Variants in RIN2 observed in about 807,000 individuals in gnomAD.
RIN2 encodes Ras and Rab interactor 2.
Under a neutral mutation model 78.0 loss-of-function variants are expected in RIN2, and 36 were observed. That is an observed-to-expected ratio of 0.46 (90% CI 0.35 to 0.61). RIN2 has a LOEUF of 0.61. Among genes scored for constraint, RIN2 ranks in the 20% least tolerant of loss-of-function variants. The pLI is 0.00. For missense variants in RIN2, 1,087 were observed against 1,159.7 expected, an observed-to-expected ratio of 0.94 and a Z score of 0.91; for synonymous variants, 466 against 466.8, an observed-to-expected ratio of 1.00 and a Z score of 0.02.
At chr20:19,770,746 C>T (rs1161714668) in intron 1 of RIN2, among the ~76,000 whole-genome samples, 3 of 152,090 alleles carry the variant, frequency 2.0e-5, no homozygotes, top group Non-Finnish European at 4.4e-5. Context: ...CAACAATCAC[C>T]AACACAGAAG....
At chr20:19,889,444 T>C in intron 2 of RIN2, 122 bp from the exon 3 acceptor site, 2 of 1,139,548 alleles carry the variant, frequency 1.8e-6, no homozygotes, top group Non-Finnish European at 2.4e-6. Context: ...TGGTGGGAAA[T>C]AAATGGCACT....
Position 19,935,116 on chromosome 20 carries a change from C to T in RIN2, c.75C>T (p.Ala25=). The change falls in exon 4 of 13, where the codon GCC becomes GCT. Residue 25 remains alanine, a synonymous_variant. Transcript: ENST00000255006. ...GSFFKLIDTI[A]SEIGELKQEM... is the part of the protein sequence containing the mutation. Reference sequence around the variant, plus strand: ...TTGAATAGCTCATTGACACAATTGCCTCGGAGATCGGAGAACTGAAACAGG... The same window carrying T: ...TTGAATAGCTCATTGACACAATTGCTTCGGAGATCGGAGAACTGAAACAGG... The T allele has an allele frequency of 6.3e-7, 1 of 1,599,942 alleles. No individual in the cohort carries two copies. The highest frequency in any genetic ancestry group is 8.5e-7 in the Non-Finnish European group (1 of 1,173,310).
chr20:19,989,053 A>T (rs1370747120), intron 9 of RIN2, among the ~76,000 whole-genome samples: 1 of 152,138 alleles, frequency 6.6e-6, no homozygotes. Context: ...ACTTCAATGC[A>T]TATTTCCTAA....
intron 2 of RIN2, among the ~76,000 whole-genome samples, chr20:19,844,692 CTCT>C (rs746851963): frequency 8.5e-6 from 1 of 117,626 alleles, no homozygotes; most frequent in Non-Finnish European, 1.8e-5. Flanking sequence ...CTTCCTCTTC[CTCT>C]TCCTCTTCTT....
chr20:19,771,063 T>G (rs187097201), intron 1 of RIN2, among the ~76,000 whole-genome samples: 1 of 152,204 alleles, frequency 6.6e-6, no homozygotes, highest in Non-Finnish European at 1.5e-5. Context: ...AGGATACAGA[T>G]GAAGAGAAGC....
At chr20:19,976,336 G>C (rs565842363) in intron 9 of RIN2, among the ~76,000 whole-genome samples, 7 of 152,268 alleles carry the variant, frequency 4.6e-5, no homozygotes, top group African/African-American at 1.7e-4. Context: ...GGGACCCCGG[G>C]CCCCCTGTTC....
chr20:19,811,255 C>G (rs1393150836), intron 2 of RIN2, among the ~76,000 whole-genome samples: 2 of 151,928 alleles, frequency 1.3e-5, no homozygotes, highest in African/African-American at 4.8e-5. Context: ...TCAGATGCCA[C>G]CATTGGCAAC....
At chr20:19,947,031 A>AG (rs1435069108) in intron 4 of RIN2, among the ~76,000 whole-genome samples, 1 of 152,048 alleles carries the variant, frequency 6.6e-6, no homozygotes, top group Non-Finnish European at 1.5e-5. Context: ...TTAAAAAAAA[A>AG]AAAAAAAAGC....
intron 2 of RIN2, among the ~76,000 whole-genome samples, chr20:19,855,558 C>T (rs2037137320): frequency 6.6e-6 from 1 of 152,160 alleles, no homozygotes. Flanking sequence ...TGGCAACTTA[C>T]AACCCCTTCT....
chr20:19,838,893 T>C (rs779306329), intron 2 of RIN2, among the ~76,000 whole-genome samples: 6 of 151,998 alleles, frequency 3.9e-5, no homozygotes, highest in Admixed American at 1.3e-4. Context: ...CCGAGCCTCC[T>C]CTCCAGCCCC....
chr20:19,772,323 C>T (rs929623850), intron 1 of RIN2, among the ~76,000 whole-genome samples: 4 of 152,154 alleles, frequency 2.6e-5, no homozygotes, highest in African/African-American at 9.7e-5. Context: ...TCTCTTCCTC[C>T]ACTTCTTCCG....
At chr20:19,979,389 A>G (rs1167209186) in intron 9 of RIN2, among the ~76,000 whole-genome samples, 1 of 152,238 alleles carries the variant, frequency 6.6e-6, no homozygotes, top group Non-Finnish European at 1.5e-5. Flanking sequence ...TTTTCTCCAA[A>G]GAGCAATTTA....
intron 2 of RIN2, among the ~76,000 whole-genome samples, chr20:19,837,107 A>G (rs1277677076): frequency 6.6e-6 from 1 of 151,774 alleles, no homozygotes; most frequent in Non-Finnish European, 1.5e-5. Flanking sequence ...TTTTGCAGAT[A>G]TGTGTGGAAA....
intron 3 of RIN2, among the ~76,000 whole-genome samples, chr20:19,909,089 C>G (rs2039349733): frequency 6.6e-6 from 1 of 152,154 alleles, no homozygotes; most frequent in Non-Finnish European, 1.5e-5. Flanking sequence ...GTCTCAAACT[C>G]CTGACGTCAG....
intron 2 of RIN2, among the ~76,000 whole-genome samples, chr20:19,840,826 G>A (rs1452627437): frequency 6.6e-6 from 1 of 152,142 alleles, no homozygotes; most frequent in Non-Finnish European, 1.5e-5. Flanking sequence ...AGCAATTGAT[G>A]AACAAATGTC....
chr20:19,886,812 A>C (rs2038218505), intron 2 of RIN2: 1 of 1,350,156 alleles, frequency 7.4e-7, no homozygotes. Context: ...CTAGCCTGTT[A>C]CTGGGATGGT....
At chr20:19,942,450 T>C (rs1461061418) in intron 4 of RIN2, among the ~76,000 whole-genome samples, 1 of 152,210 alleles carries the variant, frequency 6.6e-6, no homozygotes, top group African/African-American at 2.4e-5. Flanking sequence ...AAAAGAAACA[T>C]TTAAGATTTC....
intron 3 of RIN2, among the ~76,000 whole-genome samples, chr20:19,910,226 G>T (rs1018790772): frequency 1.3e-5 from 2 of 151,820 alleles, no homozygotes; most frequent in Non-Finnish European, 2.9e-5. Context: ...ACCCAGACTG[G>T]AGTGCAGAGG....
chr20:19,871,905 G>T (rs572385819), intron 2 of RIN2: 1 of 152,274 alleles, frequency 6.6e-6, no homozygotes, highest in Non-Finnish European at 1.5e-5. Context: ...TTATTTCACT[G>T]GTTCAATAAT....
Sources: allele counts gnomAD v4.1 joint callset (sites outside exome capture counted in the v4.1 genomes callset), GRCh38; gene constraint gnomAD v4.1.1; transcripts MANE v1.5; gene names NCBI Gene and HGNC (gene_info 2026-07-23, HGNC 2026-07-21).